The following CDC25B variants were observed in gnomAD, a reference collection of about 807,000 sequenced individuals.
The protein encoded by CDC25B is cell division cycle 25B, also known as M-phase inducer phosphatase 2.
Under a neutral mutation model 69.8 loss-of-function variants are expected in CDC25B, and 33 were observed. The ratio of observed to expected loss-of-function variants is 0.47; its 90% CI spans 0.36 to 0.63. CDC25B has a LOEUF of 0.63. Among genes scored for constraint, CDC25B ranks in the 30% least tolerant of loss-of-function variants. The probability of loss-of-function intolerance (pLI) is 0.00; values close to 1 mark genes in which losing one functional copy is unlikely to be tolerated. For synonymous variants in CDC25B, 341 were observed against 314.6 expected (o/e 1.08, Z -0.89); for missense variants, 727 against 809.1 (o/e 0.90, Z 1.23).
rs1466367199 is a variant in CDC25B, at chr20:3,804,672, C to T, written c.1594C>T (p.Gln532Ter). 6.2e-7 allele frequency: 1 copy of T among 1,612,006 alleles called. No homozygotes were observed. The highest frequency in any genetic ancestry group is 2.2e-5 in the East Asian group (1 of 44,854). Residue 532 changes from glutamine (Q) to a stop codon, truncating the protein, a stop_gained, in exon 15 of 16, where the codon CAG (glutamine) becomes TAG (stop). Coordinates refer to ENST00000245960, the MANE Select transcript of CDC25B (RefSeq NM_021873.4). LOFTEE classifies it high-confidence loss of function. ...AGGCGGCTACAAGGAGTTCTTCCCT[C>T]AGCACCCGGTAGCGTGGGTGGGGAA... is the stretch of plus-strand genomic sequence containing the variant. ...LKGGYKEFFP[Q>*]HPNFCEPQDY...
intron 1 of CDC25B, among the ~76,000 whole-genome samples, chr20:3,790,471 G>A (rs1176558136): frequency 8.2e-6 from 1 of 122,392 alleles, no homozygotes; most frequent in South Asian, 2.7e-4. Flanking sequence ...TTCAACCTCC[G>A]CCTCCCAGGT....
intron 3 of CDC25B, among the ~76,000 whole-genome samples, chr20:3,799,309 A>G (rs2089177305): frequency 6.6e-6 from 1 of 152,194 alleles, no homozygotes; most frequent in Non-Finnish European, 1.5e-5. Flanking sequence ...GTGGCAGCAC[A>G]GAGCAATCTT....
intron 1 of CDC25B, chr20:3,787,229 C>T: frequency 1.7e-6 from 1 of 573,520 alleles, no homozygotes; most frequent in Non-Finnish European, 3.1e-6. Flanking sequence ...TGGCATCAGA[C>T]TGTATAGACT....
upstream of CDC25B, among the ~76,000 whole-genome samples, chr20:3,793,593 A>AT (rs869280544): frequency 1.7e-5 from 1 of 57,462 alleles, no homozygotes; most frequent in Non-Finnish European, 3.6e-5. Flanking sequence ...ATTTTATTTT[A>AT]TTTTTTTATT....
At chr20:3,795,677 C>T (rs1600383975), upstream of CDC25B, 2 of 983,144 alleles carry the variant, frequency 2.0e-6, no homozygotes, top group Non-Finnish European at 2.4e-6. Flanking sequence ...CCATCAGTTC[C>T]GCTTGGGGGC....
At chr20:3,796,866 C>A in intron 1 of CDC25B, 135 bp downstream of exon 1, 2 of 1,164,772 alleles carry the variant, frequency 1.7e-6, no homozygotes, top group South Asian at 1.8e-5. Context: ...TGGAGAGGTA[C>A]GCCCTTGTTC....
chr20:3,803,613 T>C lies in CDC25B; in HGVS notation c.1490+76T>C, dbSNP rs1309812464. 2 of 1,585,554 alleles carry C rather than the reference T, an allele frequency of 1.3e-6. No homozygotes were observed. The highest frequency in any genetic ancestry group is 1.7e-6 in the Non-Finnish European group (2 of 1,160,346). Reference sequence around the variant, plus strand: ...CCCAGGCTCACAGGTGCTGGCACCATTGAGATGGCCAGGGGTGCAAGTCCA... The same window carrying C: ...CCCAGGCTCACAGGTGCTGGCACCACTGAGATGGCCAGGGGTGCAAGTCCA... On this transcript the variant is annotated intron_variant, in intron 14 of 15. Transcript: ENST00000245960. The surrounding 1 kb of genome is among the most constrained non-coding windows in gnomAD (Gnocchi z 4.9).
In CDC25B at chr20:3,803,291, C is replaced by T. The variant is rs772637529; in HGVS notation, c.1356+85C>T. On this transcript the variant is annotated intron_variant, in intron 13 of 15. Transcript: ENST00000245960. The surrounding 1 kb of genome is among the most constrained non-coding windows in gnomAD (Gnocchi z 4.9). ...GCCAAGAGGGTGAATGGGTGGAGGA[C>T]GGGTGCCCCCTCTCATGGGGAGGGT... The T allele has an allele frequency of 2.4e-4, 383 of 1,571,706 alleles. 2 individuals carry two copies. The highest frequency in any genetic ancestry group is 4.1e-4 in the Admixed American group (24 of 58,796).
upstream of CDC25B, among the ~76,000 whole-genome samples, chr20:3,795,432 T>A (rs779179241): frequency 1.7e-4 from 26 of 152,092 alleles, no homozygotes; most frequent in Non-Finnish European, 1.5e-4. Flanking sequence ...AAATTCAGCC[T>A]CCCTGGTCTG....
chr20:3,795,991 C>T, upstream of CDC25B: 1 of 989,952 alleles, frequency 1.0e-6, no homozygotes, highest in South Asian at 4.5e-5. Context: ...CAGGTGACGA[C>T]ATGCCGCGGG....
intron 9 of CDC25B, 27 bp downstream of exon 9, chr20:3,801,829 A>C: frequency 6.3e-7 from 1 of 1,587,448 alleles, no homozygotes; most frequent in Non-Finnish European, 8.6e-7. Flanking sequence ...GCCCCCTCCG[A>C]ATTTGGAGGC....
upstream of CDC25B, chr20:3,795,922 T>A: frequency 1.0e-6 from 1 of 986,798 alleles, no homozygotes. Flanking sequence ...ACAGCCCAGC[T>A]GGGTTTAGCA....
chr20:3,801,579 C>T (rs755895806), intron 8 of CDC25B, 143 bp from the exon 9 acceptor site: 79 of 1,020,870 alleles, frequency 7.7e-5, no homozygotes, highest in Non-Finnish European at 1.0e-4. Flanking sequence ...CAGTGGAGGG[C>T]GGTTTGGGAG....
At chr20:3,799,519 T>TGTGTGTGTGC (rs1555774228) in intron 3 of CDC25B, among the ~76,000 whole-genome samples, 1 of 49,814 alleles carries the variant, frequency 2.0e-5, no homozygotes, top group Admixed American at 1.8e-4. Context: ...TGTGTGTGTG[T>TGTGTGTGTGC]GTGTGTGCGC....
intron 11 of CDC25B, 144 bp from the exon 12 acceptor site, chr20:3,802,766 C>A: frequency 1.5e-6 from 1 of 679,578 alleles, no homozygotes; most frequent in Non-Finnish European, 2.6e-6. Flanking sequence ...AGGTGCCTCT[C>A]AGTTGCCATG....
Position 3,803,708 on chromosome 20 carries a change from C to T in CDC25B, c.1490+171C>T, listed in dbSNP as rs1312448455. On this transcript the variant is annotated intron_variant, in intron 14 of 15. Transcript: ENST00000245960. The surrounding 1 kb of genome is among the most constrained non-coding windows in gnomAD (Gnocchi z 4.9). ...CCACTTCACTGTGCATGGTACCCGC[C>T]TCCCATCTCCCTCACTGTCCTGCCT... 3.7e-4 allele frequency among the ~76,000 whole-genome samples: 57 copies of T among 152,162 alleles called. 1 individual carries two copies. Among genetic ancestry groups the T allele is most frequent in the Admixed American group, 3.7e-3 (57 of 15,276 alleles).
At position 3,805,498 on chromosome 20, in the gene CDC25B, AC is replaced by A; in HGVS notation, c.*539del. 1 of 334,710 alleles carries A rather than the reference AC, an allele frequency of 3.0e-6. No homozygotes were observed. The highest frequency in any genetic ancestry group is 2.1e-5 in the African/African-American group (1 of 47,242). 20.7% of individuals were successfully genotyped at this position (334,710 alleles called of 1,614,324 possible). On this transcript the variant is annotated 3_prime_UTR_variant, in exon 16 of 16. Coordinates refer to ENST00000245960, the MANE Select transcript of CDC25B (RefSeq NM_021873.4). ...CCCTTTCCTGTCCCACCATACGAGCACCTCCAGCCTGAACAGAAGCTCTTAC... is the reference window on the plus strand; with the variant it reads ...CCCTTTCCTGTCCCACCATACGAGCACTCCAGCCTGAACAGAAGCTCTTAC...
Position 3,801,920 on chromosome 20 carries a change from C to T in CDC25B, c.922-4C>T. ...CCTGATCCCTAACCTGCTGTCCCTG[C>T]CAGGACCTCGTCATGTACAGCAAGT... On this transcript the variant is annotated splice_polypyrimidine_tract_variant and splice_region_variant and intron_variant, in intron 9 of 15. Transcript: ENST00000245960. 1 of 1,606,354 alleles carries T rather than the reference C, an allele frequency of 6.2e-7. No individual in the cohort carries two copies. The highest frequency in any genetic ancestry group is 8.5e-7 in the Non-Finnish European group (1 of 1,175,064).
rs570843479 is a variant in CDC25B at position 3,803,151 on chromosome 20, A to C, written c.1301A>C (p.Lys434Thr). The C allele has an allele frequency of 3.1e-6, 5 of 1,614,040 alleles. No individual in the cohort carries two copies. In the South Asian group the frequency reaches 5.5e-5, roughly 18 times the overall value. ...LTGKFSNIVD[K>T]FVIVDCRYPY... ...GGCAAGTTCAGCAACATCGTGGATAAGTTTGTGATTGTAGACTGCAGATAC... is the reference window on the plus strand; with the variant it reads ...GGCAAGTTCAGCAACATCGTGGATACGTTTGTGATTGTAGACTGCAGATAC... Residue 434 changes from lysine to threonine, a missense_variant, in exon 13 of 16, where the codon AAG becomes ACG. By Grantham distance (78) the Lys-to-Thr change is moderately conservative. Around this residue, in one of 2 missense-constraint regions of CDC25B, gnomAD observed 359 missense variants for 463.4 expected, o/e 0.77. Transcript: ENST00000245960. This position sits in a 1 kb window ranked among gnomAD's most constrained non-coding sequence, Gnocchi z 4.9.
Sources: allele counts gnomAD v4.1 joint callset (sites outside exome capture counted in the v4.1 genomes callset), GRCh38; gene constraint gnomAD v4.1.1; regional missense constraint gnomAD v4.1.1; non-coding constraint Gnocchi (gnomAD v3.1); transcripts MANE v1.5; gene names NCBI Gene and HGNC (gene_info 2026-07-23, HGNC 2026-07-21).